Variants in OXSR1 observed in about 807,000 individuals in gnomAD.
OXSR1 encodes the protein serine/threonine-protein kinase OSR1.
OXSR1 carries 24 observed loss-of-function variants against 79.8 expected under a neutral mutation model. The observed-to-expected ratio is 0.30, with a 90% CI of 0.22 to 0.42. The LOEUF is 0.42. OXSR1 is among the 10% of genes least tolerant of loss of function. The pLI, the probability that OXSR1 is intolerant of heterozygous loss-of-function variation, is 1.00. For synonymous variants in OXSR1, 226 were observed against 209.2 expected (o/e 1.08, Z -0.69); for missense variants, 430 against 618.4 (o/e 0.70, Z 3.23).
Position 38,166,946 on chromosome 3 carries a change from T to C in OXSR1, c.70+1000T>C, listed in dbSNP as rs1701476526. On this transcript the variant is annotated intron_variant, in intron 1 of 17. Coordinates refer to ENST00000311806, the MANE Select transcript of OXSR1 (RefSeq NM_005109.3). ...AGGCGATAACATTTCAGTTGAGCCC[T>C]GAAGCATGAGAAGTGAGGATTAAGA... Among the ~76,000 whole-genome samples, 3 of 152,292 alleles carry C rather than the reference T, an allele frequency of 2.0e-5. No individual in the cohort carries two copies. In the South Asian group the frequency reaches 6.2e-4, roughly 32 times the overall value.
intron 4 of OXSR1, among the ~76,000 whole-genome samples, chr3:38,203,928 A>G (rs1025823292): frequency 6.6e-6 from 1 of 152,102 alleles, no homozygotes; most frequent in African/African-American, 2.4e-5. Flanking sequence ...CATGGCAGTC[A>G]TTTTACCCCA....
At chr3:38,165,985 G>A in intron 1 of OXSR1, 39 bp downstream of exon 1, 1 of 1,562,030 alleles carries the variant, frequency 6.4e-7, no homozygotes, top group Admixed American at 1.7e-5. Flanking sequence ...GCGCGGCGCT[G>A]GGAGGCGGGG....
intron 1 of OXSR1, among the ~76,000 whole-genome samples, chr3:38,175,632 G>C (rs1040508892): frequency 3.3e-5 from 5 of 152,214 alleles, no homozygotes; most frequent in African/African-American, 1.2e-4. Flanking sequence ...TCTAAGTTTA[G>C]TAAAGCGGAG....
At chr3:38,223,987 AT>A (rs969129013) in intron 7 of OXSR1, 74 bp downstream of exon 7, 2,061 of 764,480 alleles carry the variant, frequency 2.7e-3, no homozygotes, top group South Asian at 4.4e-3. Context: ...CAGTCTTTTA[AT>A]TTTTTTTTTA....
At chr3:38,220,098 T>C (rs185940973) in intron 5 of OXSR1, among the ~76,000 whole-genome samples, 1 of 152,216 alleles carries the variant, frequency 6.6e-6, no homozygotes, top group East Asian at 1.9e-4. Context: ...TGAGCCACTG[T>C]GCCCAGCCAA....
chr3:38,168,593 T>C (rs539601169), intron 1 of OXSR1, among the ~76,000 whole-genome samples: 1 of 152,338 alleles, frequency 6.6e-6, no homozygotes, highest in East Asian at 1.9e-4. Flanking sequence ...TTTACATAAT[T>C]GTTCAGTCAT....
intron 4 of OXSR1, among the ~76,000 whole-genome samples, chr3:38,201,701 G>C (rs55959558): frequency 0.14 from 20,399 of 150,362 alleles, 1,760 homozygotes; most frequent in Middle Eastern, 0.27. Context: ...CAGAGCGAGA[G>C]TGTCTCAAAA....
intron 4 of OXSR1, among the ~76,000 whole-genome samples, chr3:38,209,265 C>CT (rs1251916265): frequency 6.6e-6 from 1 of 152,142 alleles, no homozygotes; most frequent in East Asian, 1.9e-4. Flanking sequence ...GTCACTCAGG[C>CT]TGGAGTGCAA....
At position 38,198,751 on chromosome 3, in the gene OXSR1, G is replaced by T. The variant is rs1702110471; in HGVS notation, c.322G>T (p.Val108Leu). The T allele has an allele frequency of 6.2e-7, 1 of 1,613,242 alleles. No individual in the cohort carries two copies. The change falls in exon 4 of 18, where the codon GTG becomes TTG. Residue 108 changes from valine (V) to leucine (L), a missense_variant. Physicochemically the swap from Val to Leu is conservative, Grantham distance 32 (BLOSUM62 1). Around this residue, in one of 3 missense-constraint regions of OXSR1, gnomAD observed 145 missense variants for 228.3 expected, o/e 0.64. Transcript: ENST00000311806. ...TGTTCTGGATATTATTAAGCACATT[G>T]TGGCAAAAGGGGAACACAAAAGTGG... The part of the protein sequence containing the change: ...GSVLDIIKHI[V>L]AKGEHKSGVL...
At chr3:38,202,596 G>C (rs568959221) in intron 4 of OXSR1, among the ~76,000 whole-genome samples, 55 of 152,220 alleles carry the variant, frequency 3.6e-4, no homozygotes, top group African/African-American at 1.3e-3. Flanking sequence ...GGCACAAACT[G>C]TTTCAGTATA....
intron 2 of OXSR1, among the ~76,000 whole-genome samples, chr3:38,185,005 G>A (rs1317211980): frequency 2.4e-5 from 3 of 127,644 alleles, no homozygotes; most frequent in African/African-American, 9.2e-5. Flanking sequence ...ATGCAGTGGC[G>A]CGATCTCGGC....
upstream of OXSR1, chr3:38,165,021 G>C (rs555410387): frequency 6.6e-6 from 1 of 152,242 alleles, no homozygotes; most frequent in Non-Finnish European, 1.5e-5. Context: ...ACGTCTCGAG[G>C]GTGTGACGGT....
rs768767124 is a variant in OXSR1 at position 38,165,894 on chromosome 3, C to T, written c.18C>T (p.Ser6=). ...CCGCCGTCATGTCCGAGGACTCGAG[C>T]GCCCTGCCCTGGTCCATCAACAGGG... is the stretch of plus-strand genomic sequence containing the variant. MSEDS[S]ALPWSINRDD... is the part of the protein sequence containing the mutation. The change falls in exon 1 of 18, where the codon AGC becomes AGT. Residue 6 remains serine, a synonymous_variant. Coordinates refer to ENST00000311806, the MANE Select transcript of OXSR1 (RefSeq NM_005109.3). The T allele has an allele frequency of 2.5e-6, 4 of 1,611,280 alleles. No homozygotes were observed. In the Admixed American group the frequency reaches 5.0e-5, roughly 20 times the overall value.
intron 4 of OXSR1, among the ~76,000 whole-genome samples, chr3:38,205,600 T>TG (rs1170849820): frequency 8.5e-5 from 13 of 152,254 alleles, no homozygotes; most frequent in Admixed American, 5.2e-4. Flanking sequence ...GAGCCACTGA[T>TG]GACCTTCTCC....
chr3:38,254,373 T>G lies in OXSR1; in HGVS notation c.*1482T>G, dbSNP rs1703318560. 1 of 395,152 alleles carries G rather than the reference T, an allele frequency of 2.5e-6. No individual in the cohort carries two copies. Among genetic ancestry groups the G allele is most frequent in the Non-Finnish European group, 4.5e-6 (1 of 224,210 alleles). 24.5% of individuals were successfully genotyped at this position (395,152 alleles called of 1,614,324 possible). A position where few individuals can be genotyped will look rare whatever the true frequency, so the allele number is the denominator to read the frequency against. On this transcript the variant is annotated 3_prime_UTR_variant, in exon 18 of 18. Transcript: ENST00000311806. ...GAGTCTTTAGTTTTAGTCATGGGCT[T>G]TCTTCACCTGCTCTAGGTGCAAAGG... is the stretch of plus-strand genomic sequence containing the variant.
At chr3:38,216,243 T>C in intron 5 of OXSR1, 92 bp downstream of exon 5, 1 of 793,328 alleles carries the variant, frequency 1.3e-6, no homozygotes, top group Middle Eastern at 2.3e-4. Context: ...TTCTCTCCTG[T>C]TCCCTGGACC....
intron 8 of OXSR1, among the ~76,000 whole-genome samples, chr3:38,228,283 A>G (rs1478396718): frequency 6.6e-6 from 1 of 152,238 alleles, no homozygotes; most frequent in Admixed American, 6.5e-5. Flanking sequence ...AAATGAAGTC[A>G]GAAGAAAGGA....
intron 13 of OXSR1, among the ~76,000 whole-genome samples, 179 bp downstream of exon 13, chr3:38,246,400 A>G (rs977439095): frequency 6.6e-6 from 1 of 152,204 alleles, no homozygotes; most frequent in African/African-American, 2.4e-5. Flanking sequence ...CAAGGATCAC[A>G]TGCAGGTTTT....
At chr3:38,212,438 G>C (rs1702406433) in intron 4 of OXSR1, among the ~76,000 whole-genome samples, 1 of 152,142 alleles carries the variant, frequency 6.6e-6, no homozygotes, top group Non-Finnish European at 1.5e-5. Context: ...TTTTCTCTCT[G>C]TATCTACCCA....
Sources: allele counts gnomAD v4.1 joint callset (sites outside exome capture counted in the v4.1 genomes callset), GRCh38; gene constraint gnomAD v4.1.1; regional missense constraint gnomAD v4.1.1; transcripts MANE v1.5; gene names NCBI Gene and HGNC (gene_info 2026-07-23, HGNC 2026-07-21).